The following RABEPK variants were observed in gnomAD, a reference collection of about 807,000 sequenced individuals.
RABEPK encodes the protein 40 kDa Rab9 effector protein.
In RABEPK, 27 loss-of-function variants were observed where a neutral mutation model predicts 34.1. That is an observed-to-expected ratio of 0.79 (90% CI 0.58 to 1.09). RABEPK has a LOEUF of 1.09. RABEPK is among the 50% of genes least tolerant of loss of function. RABEPK has a pLI of 0.00. For synonymous variants in RABEPK, 172 were observed against 169.2 expected (o/e 1.02, Z -0.13); for missense variants, 449 against 462.6 (o/e 0.97, Z 0.27).
At chr9:125,209,203 G>A (rs934533269) in intron 3 of RABEPK, among the ~76,000 whole-genome samples, 2 of 151,578 alleles carry the variant, frequency 1.3e-5, no homozygotes, top group Non-Finnish European at 2.9e-5. Flanking sequence ...TGGGATTACA[G>A]GTGTGCGCCA....
intron 5 of RABEPK, among the ~76,000 whole-genome samples, chr9:125,226,746 C>A (rs1831781806): frequency 6.6e-6 from 1 of 151,984 alleles, no homozygotes; most frequent in Non-Finnish European, 1.5e-5. Flanking sequence ...TGGCTGTAGT[C>A]CCAGCTACTC....
At position 125,207,597 on chromosome 9, in the gene RABEPK, T is replaced by G; in HGVS notation, c.87T>G (p.Cys29Trp). The G allele has an allele frequency of 6.2e-7, 1 of 1,614,154 alleles. No individual in the cohort carries two copies. Among genetic ancestry groups the G allele is most frequent in the Non-Finnish European group, 8.5e-7 (1 of 1,179,984 alleles). The change falls in exon 3 of 8, where the codon TGT becomes TGG. Residue 29 changes from cysteine (C) to tryptophan (W), a missense_variant. By Grantham distance (215) the Cys-to-Trp change is radical. Transcript: ENST00000373538. ...YTLTVPGDSP[C>W]ARVGHSCSYL... ...TGACTGTCCCTGGAGACAGCCCCTGTGCTCGAGTTGGCCACAGCTGTTCAT... is the reference window on the plus strand; with the variant it reads ...TGACTGTCCCTGGAGACAGCCCCTGGGCTCGAGTTGGCCACAGCTGTTCAT...
Position 125,200,637 on chromosome 9 carries a change from G to A in RABEPK, c.-276G>A, listed in dbSNP as rs501963. On this transcript the variant is annotated 5_prime_UTR_variant, in exon 1 of 8. Transcript: ENST00000373538. ...GGTCCCCGGATACCGGGTCTATCACGGTCTCGGGCAGGGAGTCTGAATCTT... is the reference window on the plus strand; with the variant it reads ...GGTCCCCGGATACCGGGTCTATCACAGTCTCGGGCAGGGAGTCTGAATCTT... 0.44 allele frequency: 207,082 copies of A among 468,030 alleles called. 47,213 individuals carry two copies. Among genetic ancestry groups the A allele is most frequent in the East Asian group, 0.62 (8,890 of 14,292 alleles). The allele number at this position is 468,030 out of a possible 1,614,324, so 29.0% of individuals were successfully genotyped here. A position where few individuals can be genotyped will look rare whatever the true frequency, so the allele number is the denominator to read the frequency against.
chr9:125,201,807 G>C (rs1204392553), intron 1 of RABEPK, among the ~76,000 whole-genome samples: 1 of 151,778 alleles, frequency 6.6e-6, no homozygotes, highest in Non-Finnish European at 1.5e-5. Flanking sequence ...AGTAAAGACA[G>C]GGTTTCACCA....
At chr9:125,223,839 G>A (rs772116071) in intron 5 of RABEPK, among the ~76,000 whole-genome samples, 3 of 151,878 alleles carry the variant, frequency 2.0e-5, no homozygotes, top group Non-Finnish European at 4.4e-5. Flanking sequence ...CAACCAGCAG[G>A]CATACCATAA....
intron 6 of RABEPK, among the ~76,000 whole-genome samples, chr9:125,231,161 G>T (rs146241866): frequency 2.6e-5 from 4 of 151,752 alleles, no homozygotes; most frequent in East Asian, 2.0e-4. Context: ...AAATTAGCCG[G>T]GTGTGGCGGC....
At chr9:125,208,354 A>G (rs528566382) in intron 3 of RABEPK, among the ~76,000 whole-genome samples, 15 of 152,070 alleles carry the variant, frequency 9.9e-5, no homozygotes, top group African/African-American at 3.4e-4. Context: ...TAAGCCCTAC[A>G]TATCTCTTTT....
chr9:125,212,494 C>T (rs1182808408), intron 3 of RABEPK, among the ~76,000 whole-genome samples: 2 of 152,028 alleles, frequency 1.3e-5, no homozygotes, highest in African/African-American at 4.8e-5. Flanking sequence ...GCTGGGATTA[C>T]AGGCATGAGC....
At position 125,220,589 on chromosome 9, in the gene RABEPK, A is replaced by G. The variant is rs745904755; in HGVS notation, c.415A>G (p.Arg139Gly). Residue 139 changes from arginine (R) to glycine (G), a missense_variant, in exon 5 of 8, where the codon AGA becomes GGA. Physicochemically the swap from Arg to Gly is moderately radical, Grantham distance 125. Transcript: ENST00000373538. ...PEVTSPPPSP[R>G]TFHTSSAAIG... ...AGTGACCAGCCCCCCACCATCCCCA[A>G]GAACATTCCACACATCATCGGCAGC... The G allele has an allele frequency of 1.7e-5, 27 of 1,614,090 alleles. No homozygotes were observed. Among genetic ancestry groups the G allele is most frequent in the Middle Eastern group, 3.3e-4 (2 of 6,084 alleles).
In RABEPK at chr9:125,233,625, A is replaced by T. The variant is rs1044829937; in HGVS notation, c.827-63A>T. 2.6e-6 allele frequency: 4 copies of T among 1,533,166 alleles called. No individual in the cohort carries two copies. The African/African-American group carries it at 5.5e-5, about 21-fold the overall frequency. 95.0% of individuals were successfully genotyped at this position (1,533,166 alleles called of 1,614,324 possible). A position where few individuals can be genotyped will look rare whatever the true frequency, so the allele number is the denominator to read the frequency against. On this transcript the variant is annotated intron_variant, in intron 7 of 7. Transcript: ENST00000373538. ...CCAAAGTGCTGGGATTACAGGCGTGAGCCACCGTGCCCGGCCTATCTGGAA... is the reference window on the plus strand; with the variant it reads ...CCAAAGTGCTGGGATTACAGGCGTGTGCCACCGTGCCCGGCCTATCTGGAA...
At chr9:125,208,131 A>G (rs545866021) in intron 3 of RABEPK, among the ~76,000 whole-genome samples, 12 of 152,212 alleles carry the variant, frequency 7.9e-5, no homozygotes, top group African/African-American at 2.4e-4. Flanking sequence ...CTGTCTCAAA[A>G]AAAAAGAAAA....
intron 5 of RABEPK, among the ~76,000 whole-genome samples, chr9:125,222,646 G>A (rs575480839): frequency 5.1e-4 from 77 of 149,854 alleles, no homozygotes; most frequent in African/African-American, 1.7e-3. Flanking sequence ...CCCCGGAGGC[G>A]GAGGTTGCAA....
chr9:125,226,018 T>C (rs1441198663), intron 5 of RABEPK, among the ~76,000 whole-genome samples: 1 of 149,882 alleles, frequency 6.7e-6, no homozygotes, highest in Non-Finnish European at 1.5e-5. Context: ...GGCGTGGTGG[T>C]GCACACTTGT....
chr9:125,218,581 A>G (rs1420359927), intron 4 of RABEPK, among the ~76,000 whole-genome samples: 1 of 148,008 alleles, frequency 6.8e-6, no homozygotes, highest in Non-Finnish European at 1.5e-5. Flanking sequence ...CTTAAAAGAA[A>G]TAAGCTTCTA....
At chr9:125,210,688 C>T (rs1294771034) in intron 3 of RABEPK, among the ~76,000 whole-genome samples, 4 of 118,896 alleles carry the variant, frequency 3.4e-5, no homozygotes, top group South Asian at 2.7e-4. Context: ...AGTCTGGCAA[C>T]AGAGCAAGAC....
chr9:125,205,862 A>G (rs1163506429), intron 2 of RABEPK, among the ~76,000 whole-genome samples: 1 of 152,198 alleles, frequency 6.6e-6, no homozygotes, highest in Non-Finnish European at 1.5e-5. Context: ...GCAACCACTG[A>G]TGAATATATA....
chr9:125,218,321 CAAAAAAAAA>C (rs71374234), intron 4 of RABEPK, among the ~76,000 whole-genome samples: 67 of 41,164 alleles, frequency 1.6e-3, no homozygotes, highest in Middle Eastern at 0.037. Flanking sequence ...GACTCCGTCT[CAAAAAAAAA>C]AAAAAAAAAA....
intron 2 of RABEPK, among the ~76,000 whole-genome samples, chr9:125,206,879 C>T (rs949668352): frequency 1.3e-5 from 2 of 152,178 alleles, no homozygotes; most frequent in Non-Finnish European, 2.9e-5. Context: ...CACCTGAGGT[C>T]GGGAGTTCGA....
At position 125,213,491 on chromosome 9, in the gene RABEPK, A is replaced by G. The variant is rs1178801532; in HGVS notation, c.333A>G (p.Gly111=). 1 of 1,613,928 alleles carries G rather than the reference A, an allele frequency of 6.2e-7. No homozygotes were observed. Among genetic ancestry groups the G allele is most frequent in the Non-Finnish European group, 8.5e-7 (1 of 1,180,010 alleles). Residue 111 remains glycine, a synonymous_variant, in exon 4 of 8, where the codon GGA becomes GGG. Coordinates refer to ENST00000373538, the MANE Select transcript of RABEPK (RefSeq NM_005833.4). ...IWVFGGANQS[G]NRNCLQVLNP... is the part of the protein sequence containing the mutation. Reference sequence around the variant, plus strand: ...TATTTGGAGGTGCCAACCAATCAGGAAATCGAAATTGTCTACAAGTCCTGA... The same window carrying G: ...TATTTGGAGGTGCCAACCAATCAGGGAATCGAAATTGTCTACAAGTCCTGA...
Sources: gnomAD v4.1 joint callset for allele counts (sites outside exome capture counted in the v4.1 genomes callset) on GRCh38, gnomAD v4.1.1 for gene constraint, MANE v1.5 for transcripts, NCBI Gene and HGNC (gene_info 2026-07-23, HGNC 2026-07-21) for gene names.